The following NR3C2 variants were observed in gnomAD, a reference collection of about 807,000 sequenced individuals.
The protein encoded by NR3C2 is nuclear receptor subfamily 3 group C member 2, also known as mineralocorticoid receptor.
In NR3C2, 15 loss-of-function variants were observed where a neutral mutation model predicts 86.4. The observed-to-expected ratio is 0.17, with a 90% CI of 0.12 to 0.27. The LOEUF (loss-of-function observed/expected upper bound fraction) is 0.27, where lower values mean the gene tolerates loss of function less well. Ranked by LOEUF, NR3C2 falls within the 10% of genes least tolerant of loss-of-function variation. The probability of loss-of-function intolerance (pLI) is 1.00; values close to 1 mark genes in which losing one functional copy is unlikely to be tolerated. For synonymous variants in NR3C2, 458 were observed against 450.5 expected, an observed-to-expected ratio of 1.02 and a Z score of -0.21; for missense variants, 960 against 1,195.6, an observed-to-expected ratio of 0.80 and a Z score of 2.91.
intron 2 of NR3C2, among the ~76,000 whole-genome samples, chr4:148,334,414 T>C (rs949403659): frequency 1.3e-5 from 2 of 152,130 alleles, no homozygotes; most frequent in African/African-American, 4.8e-5. Flanking sequence ...GTGGTGGCAC[T>C]TGCCTGTAAT....
chr4:148,436,913 C>A, intron 1 of NR3C2, 51 bp from the exon 2 acceptor site: 1 of 1,383,714 alleles, frequency 7.2e-7, no homozygotes, highest in East Asian at 2.5e-5. Flanking sequence ...AGCAATATTA[C>A]TCTAAAAGAC....
intron 3 of NR3C2, among the ~76,000 whole-genome samples, chr4:148,211,960 T>C (rs61758898): frequency 1.3e-4 from 20 of 152,200 alleles, no homozygotes; most frequent in Non-Finnish European, 2.5e-4. Context: ...TTCTGGAGAC[T>C]AGAGTCGAAA....
chr4:148,373,107 CT>C lies in NR3C2; in HGVS notation c.1757+61996del, dbSNP rs138672508. 9.2e-5 allele frequency among the ~76,000 whole-genome samples: 14 copies of C among 152,280 alleles called. No homozygotes were observed. In the East Asian group the frequency reaches 2.5e-3, roughly 27 times the overall value. On this transcript the variant is annotated intron_variant, in intron 2 of 8. Coordinates refer to ENST00000358102, the MANE Select transcript of NR3C2 (RefSeq NM_000901.5). ...TATACTCTGATTTCCTCCTGAATAA[CT>C]TTTATTTGTTTGTCTTTCTAAGGGA...
At chr4:148,332,047 A>G (rs779410545) in intron 2 of NR3C2, among the ~76,000 whole-genome samples, 1 of 152,242 alleles carries the variant, frequency 6.6e-6, no homozygotes, top group Non-Finnish European at 1.5e-5. Context: ...GAAAGCAGAA[A>G]TACTAAAGAT....
chr4:148,277,551 A>G (rs1418975831), intron 2 of NR3C2, among the ~76,000 whole-genome samples: 1 of 152,166 alleles, frequency 6.6e-6, no homozygotes, highest in Non-Finnish European at 1.5e-5. Flanking sequence ...CCCCATCTCT[A>G]AAAATAAACA....
chr4:148,175,752 T>A (rs965664251), intron 4 of NR3C2, among the ~76,000 whole-genome samples: 1 of 152,206 alleles, frequency 6.6e-6, no homozygotes, highest in African/African-American at 2.4e-5. Flanking sequence ...AATTTTTACT[T>A]GTGAATTAGT....
At position 148,154,789 on chromosome 4, in the gene NR3C2, C is replaced by T. The variant is rs1440112314; in HGVS notation, c.2127G>A (p.Thr709=). The T allele has an allele frequency of 2.6e-5, 34 of 1,297,760 alleles. No individual in the cohort carries two copies. In the Admixed American group the frequency reaches 3.5e-4, roughly 13 times the overall value. 80.4% of individuals were successfully genotyped at this position (1,297,760 alleles called of 1,614,324 possible). Residue 709 remains threonine (T), a synonymous_variant, in exon 5 of 9, where the codon ACG becomes ACA. Coordinates refer to ENST00000358102, the MANE Select transcript of NR3C2 (RefSeq NM_000901.5). ...PPPQSPEEGT[T]YIAPAKEPSV... is the part of the protein sequence containing the mutation. ...AGGGTTCTTTTGCAGGAGCGATGTACGTTGTCCCTTCCTCTGGGCTTTGCG... is the reference window on the plus strand; with the variant it reads ...AGGGTTCTTTTGCAGGAGCGATGTATGTTGTCCCTTCCTCTGGGCTTTGCG...
chr4:148,396,344 A>G (rs1413484504), intron 2 of NR3C2, among the ~76,000 whole-genome samples: 1 of 152,186 alleles, frequency 6.6e-6, no homozygotes, highest in Non-Finnish European at 1.5e-5. Context: ...CCTGGGGCAA[A>G]GTTTCTTCAC....
intron 3 of NR3C2, among the ~76,000 whole-genome samples, chr4:148,248,677 A>G (rs1739432210): frequency 6.6e-6 from 1 of 152,206 alleles, no homozygotes; most frequent in Admixed American, 6.5e-5. Flanking sequence ...TACCTAAACC[A>G]GTGACAAGGA....
At chr4:148,327,621 A>G (rs1744033998) in intron 2 of NR3C2, among the ~76,000 whole-genome samples, 1 of 152,198 alleles carries the variant, frequency 6.6e-6, no homozygotes. Context: ...AAAGGAAGTG[A>G]TAAGAGTGAT....
intron 8 of NR3C2, among the ~76,000 whole-genome samples, chr4:148,104,342 G>GTTTTTTT: frequency 1.6e-5 from 1 of 63,794 alleles, no homozygotes; most frequent in Non-Finnish European, 3.2e-5. Context: ...TTTTGGTTTG[G>GTTTTTTT]TTTTTTTTTT....
chr4:148,310,272 C>T (rs1048291358), intron 2 of NR3C2, among the ~76,000 whole-genome samples: 1 of 152,154 alleles, frequency 6.6e-6, no homozygotes, highest in Non-Finnish European at 1.5e-5. Flanking sequence ...AGCAAAATCC[C>T]ACCTGTGCTT....
chr4:148,142,086 A>G (rs28647457), intron 6 of NR3C2, among the ~76,000 whole-genome samples: 8,183 of 152,252 alleles, frequency 0.054, 670 homozygotes, highest in African/African-American at 0.18. Context: ...AAGACCTAGG[A>G]AAGAGAAAGG....
rs61764763 is a variant in NR3C2, at chr4:148,384,023, A to T, written c.1757+51081T>A. On this transcript the variant is annotated intron_variant, in intron 2 of 8. Coordinates refer to ENST00000358102, the MANE Select transcript of NR3C2 (RefSeq NM_000901.5). Reference sequence around the variant, plus strand: ...TAAGGAACTACACATTTAGTAAAATAATTGGGTTTTTGTTGGTTTGTAAGA... The same window carrying T: ...TAAGGAACTACACATTTAGTAAAATTATTGGGTTTTTGTTGGTTTGTAAGA... 8.3e-3 allele frequency among the ~76,000 whole-genome samples: 1,265 copies of T among 152,064 alleles called. 7 individuals carry two copies. Among genetic ancestry groups the T allele is most frequent in the Non-Finnish European group, 0.013 (895 of 67,974 alleles).
chr4:148,305,113 A>T (rs1742548954), intron 2 of NR3C2, among the ~76,000 whole-genome samples: 1 of 152,178 alleles, frequency 6.6e-6, no homozygotes, highest in South Asian at 2.1e-4. Context: ...AATAATAGAA[A>T]ACAAATGTAA....
chr4:148,250,998 C>T (rs1433195599), intron 3 of NR3C2, among the ~76,000 whole-genome samples: 1 of 151,540 alleles, frequency 6.6e-6, no homozygotes, highest in East Asian at 1.9e-4. Context: ...TTGCCCAGGC[C>T]GAAGTGCAGT....
chr4:148,236,266 C>T (rs910625554), intron 3 of NR3C2, among the ~76,000 whole-genome samples: 5 of 152,212 alleles, frequency 3.3e-5, no homozygotes, highest in Non-Finnish European at 5.9e-5. Context: ...GATCCCCCAC[C>T]TAACAATGGC....
chr4:148,110,277 A>T (rs1020599764), intron 8 of NR3C2, among the ~76,000 whole-genome samples: 1 of 152,200 alleles, frequency 6.6e-6, no homozygotes, highest in African/African-American at 2.4e-5. Flanking sequence ...ATTCCAGCAC[A>T]TATGTGTACC....
In NR3C2 at chr4:148,232,446, G is replaced by A. The variant is rs568232943; in HGVS notation, c.1897+27532C>T. 1.2e-4 allele frequency among the ~76,000 whole-genome samples: 19 copies of A among 152,306 alleles called. No homozygotes were observed. The South Asian group carries it at 2.1e-3, about 17-fold the overall frequency. On this transcript the variant is annotated intron_variant, in intron 3 of 8. Coordinates refer to ENST00000358102, the MANE Select transcript of NR3C2 (RefSeq NM_000901.5). Reference sequence around the variant, plus strand: ...AAAAATATCTTTTTGTCTGAGCAGTGGGTCTTAACAGTGGACTTAAAATAT... The same window carrying A: ...AAAAATATCTTTTTGTCTGAGCAGTAGGTCTTAACAGTGGACTTAAAATAT...
Sources: gnomAD v4.1 joint callset for allele counts (sites outside exome capture counted in the v4.1 genomes callset) on GRCh38, gnomAD v4.1.1 for gene constraint, MANE v1.5 for transcripts, NCBI Gene and HGNC (gene_info 2026-07-23, HGNC 2026-07-21) for gene names.